Variants in B3GALT5 observed in about 807,000 individuals in gnomAD.
B3GALT5 encodes the protein beta-1,3-galactosyltransferase 5, also known as UDP-Gal:betaGlcNAc beta 1,3-galactosyltransferase, polypeptide 5.
For synonymous variants in B3GALT5, 156 were observed against 158.6 expected, an observed-to-expected ratio of 0.98 and a Z score of 0.12; for missense variants, 328 against 396.6, an observed-to-expected ratio of 0.83 and a Z score of 1.47.
intron 1 of B3GALT5, among the ~76,000 whole-genome samples, chr21:39,641,396 GA>G (rs1188616495): frequency 6.6e-6 from 1 of 151,292 alleles, no homozygotes; most frequent in Non-Finnish European, 1.5e-5. Flanking sequence ...AATGTGATAT[GA>G]AATTGATGCC....
At chr21:39,656,836 G>A (rs966190699) in intron 2 of B3GALT5, among the ~76,000 whole-genome samples, 5 of 152,192 alleles carry the variant, frequency 3.3e-5, no homozygotes, top group South Asian at 2.1e-4. Flanking sequence ...CTATCCTGAC[G>A]GCTCTAGCTT....
chr21:39,631,574 A>G (rs1409532568), intron 1 of B3GALT5, among the ~76,000 whole-genome samples: 1 of 152,246 alleles, frequency 6.6e-6, no homozygotes, highest in South Asian at 2.1e-4. Flanking sequence ...TTAGGGGAAC[A>G]TAAATCAACC....
At chr21:39,639,595 T>C (rs1469850123) in intron 1 of B3GALT5, among the ~76,000 whole-genome samples, 1 of 151,444 alleles carries the variant, frequency 6.6e-6, no homozygotes. Context: ...TTCTCCTGCC[T>C]CAGCCTCCTG....
In B3GALT5 at chr21:39,645,171, T is replaced by G. The variant is rs114582640; in HGVS notation, c.-391-1221T>G. Among the ~76,000 whole-genome samples the G allele has an allele frequency of 4.0e-3, 611 of 152,292 alleles. 5 individuals are homozygous for G. Among genetic ancestry groups the G allele is most frequent in the African/African-American group, 0.014 (572 of 41,564 alleles). On this transcript the variant is annotated intron_variant, in intron 1 of 3. Transcript: ENST00000684187. ...CCCTATTGTGTCCAAAATCACACTT[T>G]CCTGACCGTTCCCGGAGTCTTACTT...
intron 1 of B3GALT5, among the ~76,000 whole-genome samples, chr21:39,624,268 T>G (rs1239377491): frequency 6.6e-6 from 1 of 152,228 alleles, no homozygotes; most frequent in African/African-American, 2.4e-5. Flanking sequence ...TTTTGGTGTT[T>G]TTCCCTGGCC....
chr21:39,661,734 A>G lies in B3GALT5; in HGVS notation c.*242A>G, dbSNP rs1429826589. On this transcript the variant is annotated 3_prime_UTR_variant, in exon 4 of 4. Coordinates refer to ENST00000684187, the MANE Select transcript of B3GALT5 (RefSeq NM_001356336.2). The surrounding 1 kb of genome is among the most constrained non-coding windows in gnomAD (Gnocchi z 4.7). ...GTTTGACATACACCTGGATTTTTGC[A>G]TTTCAGGGGTCAGTATCCTATGACA... 2.5e-6 allele frequency: 1 copy of G among 402,120 alleles called. No individual in the cohort carries two copies. Among genetic ancestry groups the G allele is most frequent in the Admixed American group, 4.0e-5 (1 of 24,718 alleles). 24.9% of individuals were successfully genotyped at this position (402,120 alleles called of 1,614,324 possible). A position where few individuals can be genotyped will look rare whatever the true frequency, so the allele number is the denominator to read the frequency against.
In B3GALT5 at chr21:39,661,052, T is replaced by C. The variant is rs374097178; in HGVS notation, c.493T>C (p.Tyr165His). ...TDSDMFINVD[Y>H]LTELLLKKNR... ...CTCAGACATGTTCATCAATGTTGAC[T>C]ATCTGACTGAACTGCTTCTGAAGAA... The change falls in exon 4 of 4, where the codon TAT (tyrosine) becomes CAT (histidine). Residue 165 changes from tyrosine (Y) to histidine (H), a missense_variant. Tyr to His is a moderately conservative substitution (Grantham distance 83, BLOSUM62 2). Coordinates refer to ENST00000684187, the MANE Select transcript of B3GALT5 (RefSeq NM_001356336.2). The surrounding 1 kb of genome is among the most constrained non-coding windows in gnomAD (Gnocchi z 4.7). The C allele has an allele frequency of 5.0e-6, 8 of 1,614,120 alleles. No individual in the cohort carries two copies. The South Asian group carries it at 6.6e-5, about 13-fold the overall frequency.
chr21:39,630,606 C>G (rs1426300143), intron 1 of B3GALT5: 2 of 152,196 alleles, frequency 1.3e-5, no homozygotes, highest in Non-Finnish European at 2.9e-5. Context: ...ATGGCTTGCA[C>G]TTGACTCTGG....
rs1026227084 is a variant in B3GALT5, at chr21:39,665,196, C to G, written c.*3704C>G. The G allele has an allele frequency of 7.2e-5, 11 of 152,166 alleles. No homozygotes were observed. Among genetic ancestry groups the G allele is most frequent in the African/African-American group, 2.7e-4 (11 of 41,434 alleles). The allele number at this position is 152,166 out of a possible 1,614,324, so 9.4% of individuals were successfully genotyped here. On this transcript the variant is annotated 3_prime_UTR_variant, in exon 4 of 4. Coordinates refer to ENST00000684187, the MANE Select transcript of B3GALT5 (RefSeq NM_001356336.2). ...AAGCCCTGGAGCCATTCCGACTCCTCTCCCATCTGGTGCATCAGGAAAGAC... is the reference window on the plus strand; with the variant it reads ...AAGCCCTGGAGCCATTCCGACTCCTGTCCCATCTGGTGCATCAGGAAAGAC...
chr21:39,642,658 C>T (rs2079299337), intron 1 of B3GALT5, among the ~76,000 whole-genome samples: 1 of 152,172 alleles, frequency 6.6e-6, no homozygotes, highest in Admixed American at 6.5e-5. Flanking sequence ...CAGACAAGAA[C>T]ATTTTCCTCA....
At chr21:39,632,341 T>C (rs2079197499) in intron 1 of B3GALT5, among the ~76,000 whole-genome samples, 1 of 152,150 alleles carries the variant, frequency 6.6e-6, no homozygotes, top group Non-Finnish European at 1.5e-5. Flanking sequence ...TTGGTGACCT[T>C]TGGTATGTTC....
At chr21:39,657,846 G>T in intron 2 of B3GALT5, 1 of 1,231,738 alleles carries the variant, frequency 8.1e-7, no homozygotes, top group South Asian at 4.1e-5. Context: ...TTCCGTTATT[G>T]ACTGGCTGGT....
chr21:39,639,297 T>C (rs925376469), intron 1 of B3GALT5, among the ~76,000 whole-genome samples: 2 of 60,770 alleles, frequency 3.3e-5, no homozygotes, highest in Non-Finnish European at 6.4e-5. Context: ...GCTCTTTCTT[T>C]CTTTCTTTCT....
intron 2 of B3GALT5, among the ~76,000 whole-genome samples, chr21:39,652,543 G>A (rs1233356992): frequency 1.3e-5 from 2 of 152,232 alleles, no homozygotes; most frequent in Non-Finnish European, 2.9e-5. Context: ...AGGGCCTTCT[G>A]ATTCCAAATT....
In B3GALT5 at chr21:39,661,297, G is replaced by C; in HGVS notation, c.738G>C (p.Val246=). 1 of 1,614,142 alleles carries C rather than the reference G, an allele frequency of 6.2e-7. No homozygotes were observed. The highest frequency in any genetic ancestry group is 2.2e-5 in the East Asian group (1 of 44,880). The part of the protein sequence containing the change: ...VPYIKLEDVF[V]GLCLERLNIR... Reference sequence around the variant, plus strand: ...ACATTAAACTGGAAGACGTGTTTGTGGGGCTCTGCCTCGAAAGGCTGAACA... The same window carrying C: ...ACATTAAACTGGAAGACGTGTTTGTCGGGCTCTGCCTCGAAAGGCTGAACA... Residue 246 remains valine, a synonymous_variant, in exon 4 of 4, where the codon GTG becomes GTC. Transcript: ENST00000684187. This position sits in a 1 kb window ranked among gnomAD's most constrained non-coding sequence, Gnocchi z 4.7.
At position 39,662,518 on chromosome 21, in the gene B3GALT5, C is replaced by T. The variant is rs1337305375; in HGVS notation, c.*1026C>T. ...TCTCAAGGACCCCTCGGGCTCAGAG[C>T]CCTAAAGTGGGCCCTGGTGAAGCAG... is the stretch of plus-strand genomic sequence containing the variant. On this transcript the variant is annotated 3_prime_UTR_variant, in exon 4 of 4. Coordinates refer to ENST00000684187, the MANE Select transcript of B3GALT5 (RefSeq NM_001356336.2). 2 of 167,148 alleles carry T rather than the reference C, an allele frequency of 1.2e-5. No homozygotes were observed. Among genetic ancestry groups the T allele is most frequent in the African/African-American group, 4.8e-5 (2 of 41,462 alleles). The allele number at this position is 167,148 out of a possible 1,614,324, so 10.4% of individuals were successfully genotyped here. A position where few individuals can be genotyped will look rare whatever the true frequency, so the allele number is the denominator to read the frequency against.
Position 39,660,876 on chromosome 21 carries a change from C to T in B3GALT5, c.317C>T (p.Thr106Met), listed in dbSNP as rs541657119. The change falls in exon 4 of 4, where the codon ACG becomes ATG. Residue 106 changes from threonine (T) to methionine (M), a missense_variant. Physicochemically the swap from Thr to Met is moderately conservative, Grantham distance 81. Transcript: ENST00000684187. The stretch of plus-strand genomic sequence containing the variant: ...GGGACCACCAGCAGTGCAGCGGAAA[C>T]GAAAGAGGTGGACCAGGAGAGCCAG... ...LLGTTSSAAE[T>M]KEVDQESQRH... 37 of 1,612,580 alleles carry T rather than the reference C, an allele frequency of 2.3e-5. No homozygotes were observed. Among genetic ancestry groups the T allele is most frequent in the African/African-American group, 1.1e-4 (8 of 74,946 alleles).
intron 1 of B3GALT5, among the ~76,000 whole-genome samples, chr21:39,636,504 A>G (rs11701869): frequency 0.19 from 28,423 of 152,018 alleles, 2,985 homozygotes; most frequent in Non-Finnish European, 0.25. Flanking sequence ...TTGCTTCCCA[A>G]TGACCAAATC....
In B3GALT5 at chr21:39,661,004, GC is replaced by G. The variant is rs2079514008; in HGVS notation, c.446del (p.Ala149GlyfsTer4). 1 of 1,613,188 alleles carries G rather than the reference GC, an allele frequency of 6.2e-7. No homozygotes were observed. Among genetic ancestry groups the G allele is most frequent in the African/African-American group, 1.3e-5 (1 of 74,904 alleles). Reference sequence around the variant, plus strand: ...ATGGGTCCATCGCTTTTGTCCTCAGGCGGCGTTTGTGATGAAAACAGACTCA... The same window carrying G: ...ATGGGTCCATCGCTTTTGTCCTCAGGGGCGTTTGTGATGAAAACAGACTCA... ...IEWVHRFCPQ[A>X]AFVMKTDSDM... On this transcript the variant is annotated frameshift_variant, in exon 4 of 4. Coordinates refer to ENST00000684187, the MANE Select transcript of B3GALT5 (RefSeq NM_001356336.2). LOFTEE classifies it low-confidence loss of function (END_TRUNC). This position sits in a 1 kb window ranked among gnomAD's most constrained non-coding sequence, Gnocchi z 4.7.
Sources: allele counts gnomAD v4.1 joint callset (sites outside exome capture counted in the v4.1 genomes callset), GRCh38; gene constraint gnomAD v4.1.1; non-coding constraint Gnocchi (gnomAD v3.1); transcripts MANE v1.5; gene names NCBI Gene and HGNC (gene_info 2026-07-23, HGNC 2026-07-21).